The following DLGAP1 variants were observed in gnomAD, a reference collection of about 807,000 sequenced individuals.
DLGAP1 encodes the protein disks large-associated protein 1.
Under a neutral mutation model 90.8 loss-of-function variants are expected in DLGAP1, and 11 were observed. The ratio of observed to expected loss-of-function variants is 0.12; its 90% CI spans 0.08 to 0.20. The LOEUF is 0.20. DLGAP1 is among the 10% of genes least tolerant of loss of function. The pLI is 1.00. For synonymous variants in DLGAP1, 558 were observed against 540.7 expected (o/e 1.03, Z -0.44); for missense variants, 1,050 against 1,333.8 (o/e 0.79, Z 3.31).
intron 2 of DLGAP1, among the ~76,000 whole-genome samples, chr18:4,073,418 C>G (rs919601627): frequency 6.6e-6 from 1 of 152,150 alleles, no homozygotes; most frequent in Non-Finnish European, 1.5e-5. Flanking sequence ...TTAAAATGCT[C>G]TATCAACAGC....
chr18:4,055,023 G>GT (rs1215567448), intron 2 of DLGAP1, among the ~76,000 whole-genome samples: 1 of 152,140 alleles, frequency 6.6e-6, no homozygotes, highest in Non-Finnish European at 1.5e-5. Context: ...AAAGTTGATG[G>GT]TATGTTTTCC....
intron 3 of DLGAP1, among the ~76,000 whole-genome samples, chr18:3,891,504 C>G (rs892628279): frequency 6.6e-6 from 1 of 152,192 alleles, no homozygotes; most frequent in Non-Finnish European, 1.5e-5. Context: ...TCTGTTCCAG[C>G]TGCCCTAAGC....
In DLGAP1 at chr18:4,206,338, T is replaced by C. The variant is rs374368245; in HGVS notation, c.-266-55051A>G. On this transcript the variant is annotated intron_variant, in intron 1 of 12. Transcript: ENST00000315677. Reference sequence around the variant, plus strand: ...GTTAAACAAGAAAGGAGAGTTGAGGTTGAAGTTTGCAAAAATGACTGAGTC... The same window carrying C: ...GTTAAACAAGAAAGGAGAGTTGAGGCTGAAGTTTGCAAAAATGACTGAGTC... Among the ~76,000 whole-genome samples the C allele has an allele frequency of 5.3e-4, 81 of 152,142 alleles. 3 individuals carry two copies. In the South Asian group the frequency reaches 0.016, roughly 31 times the overall value.
chr18:3,772,253 CCTTT>C (rs1328780528), intron 5 of DLGAP1, among the ~76,000 whole-genome samples: 58 of 148,464 alleles, frequency 3.9e-4, no homozygotes, highest in Admixed American at 8.8e-4. Flanking sequence ...TTCTTTCCTT[CCTTT>C]CTTTCTCTCT....
intron 1 of DLGAP1, among the ~76,000 whole-genome samples, chr18:4,316,220 C>T (rs915013565): frequency 6.6e-6 from 1 of 152,178 alleles, no homozygotes; most frequent in African/African-American, 2.4e-5. Flanking sequence ...CCTATTGATC[C>T]GTGTGTTACA....
intron 1 of DLGAP1, among the ~76,000 whole-genome samples, chr18:4,337,305 C>G (rs1483657987): frequency 1.3e-5 from 2 of 150,892 alleles, no homozygotes; most frequent in South Asian, 4.2e-4. Flanking sequence ...GTGATCCCCC[C>G]ACCTCAACTT....
chr18:3,538,952 G>T (rs1345790288), intron 9 of DLGAP1, among the ~76,000 whole-genome samples: 1 of 152,208 alleles, frequency 6.6e-6, no homozygotes, highest in Non-Finnish European at 1.5e-5. Flanking sequence ...ATTAATAGAA[G>T]TTTGCAGTTT....
chr18:3,729,390 A>G lies in DLGAP1; in HGVS notation c.1351-15T>C. 6.2e-7 allele frequency: 1 copy of G among 1,601,840 alleles called. No individual in the cohort carries two copies. The highest frequency in any genetic ancestry group is 1.1e-5 in the South Asian group (1 of 90,320). On this transcript the variant is annotated splice_polypyrimidine_tract_variant and intron_variant, in intron 6 of 12. Coordinates refer to ENST00000315677, the MANE Select transcript of DLGAP1 (RefSeq NM_004746.4). This position sits in a 1 kb window ranked among gnomAD's most constrained non-coding sequence, Gnocchi z 6.2. The stretch of plus-strand genomic sequence containing the variant: ...ATCTCGCTCACCTGCGGGCAGACAC[A>G]GGCGTTGTGACACTCGCCTCCACCT...
intron 5 of DLGAP1, among the ~76,000 whole-genome samples, chr18:3,780,360 T>C (rs929214030): frequency 2.0e-5 from 3 of 152,204 alleles, no homozygotes; most frequent in Non-Finnish European, 4.4e-5. Flanking sequence ...ATGGGTCTCA[T>C]TGGCTGAAAT....
chr18:4,444,869 C>T (rs751404210), intron 1 of DLGAP1, among the ~76,000 whole-genome samples: 26 of 152,074 alleles, frequency 1.7e-4, no homozygotes, highest in African/African-American at 2.9e-4. Context: ...ATATGTAAGA[C>T]GAATTATCCT....
chr18:4,354,619 T>C (rs560031524), intron 1 of DLGAP1, among the ~76,000 whole-genome samples: 6 of 152,168 alleles, frequency 3.9e-5, no homozygotes, highest in African/African-American at 1.4e-4. Context: ...AACCTGCCTT[T>C]TGTTATAGGG....
At chr18:4,363,745 G>T (rs1259877675) in intron 1 of DLGAP1, among the ~76,000 whole-genome samples, 1 of 151,398 alleles carries the variant, frequency 6.6e-6, no homozygotes, top group Non-Finnish European at 1.5e-5. Context: ...TCATTAAAAA[G>T]TCAGGAAACA....
At chr18:3,500,910 G>GATTACT (rs2049894705) in intron 12 of DLGAP1, among the ~76,000 whole-genome samples, 1 of 150,710 alleles carries the variant, frequency 6.6e-6, no homozygotes, top group Non-Finnish European at 1.5e-5. Flanking sequence ...TTTAAACAAT[G>GATTACT]ATTACTATTA....
At chr18:4,398,987 A>G (rs1293124621) in intron 1 of DLGAP1, among the ~76,000 whole-genome samples, 1 of 152,052 alleles carries the variant, frequency 6.6e-6, no homozygotes, top group Non-Finnish European at 1.5e-5. Context: ...GCGCACCACT[A>G]CGCCTGGTTA....
intron 1 of DLGAP1, among the ~76,000 whole-genome samples, chr18:4,415,487 GA>G (rs2082879061): frequency 6.6e-6 from 1 of 152,152 alleles, no homozygotes; most frequent in South Asian, 2.1e-4. Context: ...TCAGGTTACA[GA>G]TTTGTAAAGT....
At chr18:4,256,931 C>T (rs2145230465) in intron 1 of DLGAP1, among the ~76,000 whole-genome samples, 1 of 152,240 alleles carries the variant, frequency 6.6e-6, no homozygotes, top group Admixed American at 6.5e-5. Flanking sequence ...GGTTCTTCCC[C>T]AGCACAGAGC....
At chr18:3,551,654 TTG>T (rs1568179901) in intron 9 of DLGAP1, among the ~76,000 whole-genome samples, 3 of 91,542 alleles carry the variant, frequency 3.3e-5, no homozygotes, top group African/African-American at 1.1e-4. Context: ...CTCTCTCTCT[TTG>T]TCTCTTTCCT....
chr18:3,649,906 C>T (rs1010811827), intron 7 of DLGAP1, among the ~76,000 whole-genome samples: 1 of 152,168 alleles, frequency 6.6e-6, no homozygotes, highest in Non-Finnish European at 1.5e-5. Flanking sequence ...TGACAAATGG[C>T]TAACCCTTGG....
At chr18:4,448,887 C>T (rs1388618452) in intron 1 of DLGAP1, among the ~76,000 whole-genome samples, 1 of 152,166 alleles carries the variant, frequency 6.6e-6, no homozygotes, top group Non-Finnish European at 1.5e-5. Context: ...GCAAGAAAGG[C>T]AGTTGTAGCT....
Sources: gnomAD v4.1 joint callset for allele counts (sites outside exome capture counted in the v4.1 genomes callset) on GRCh38, gnomAD v4.1.1 for gene constraint, Gnocchi (gnomAD v3.1) non-coding constraint, MANE v1.5 for transcripts, NCBI Gene and HGNC (gene_info 2026-07-23, HGNC 2026-07-21) for gene names.